AKAP9: variants seen among roughly 807,000 people sequenced by gnomAD.
The protein encoded by AKAP9 is A-kinase anchor protein 9.
AKAP9 carries 311 observed loss-of-function variants against 488.5 expected under a neutral mutation model. That is an observed-to-expected ratio of 0.64 (90% CI 0.58 to 0.70). AKAP9 has a LOEUF of 0.70. AKAP9 is among the 30% of genes least tolerant of loss of function. AKAP9 has a pLI of 0.00. For synonymous variants in AKAP9, 1,462 were observed against 1,483.5 expected (o/e 0.99, Z 0.33); for missense variants, 4,215 against 4,374.5 (o/e 0.96, Z 1.03).
chr7:91,955,024 A>G (rs1478720300), intron 1 of AKAP9, among the ~76,000 whole-genome samples: 1 of 152,222 alleles, frequency 6.6e-6, no homozygotes, highest in East Asian at 1.9e-4. Flanking sequence ...CTGTAGATTG[A>G]TATGATTATT....
chr7:92,002,532 T>G lies in AKAP9; in HGVS notation c.2615T>G (p.Leu872Arg), dbSNP rs1306567728. Residue 872 changes from leucine (L) to arginine (R), a missense_variant, in exon 8 of 50, where the codon CTC (leucine) becomes CGC (arginine). Leu to Arg is a moderately radical substitution (Grantham distance 102, BLOSUM62 -2). Around this residue, in one of 5 missense-constraint regions of AKAP9, gnomAD observed 2,361 missense variants for 2,430.0 expected, o/e 0.97. Transcript: ENST00000356239. The stretch of plus-strand genomic sequence containing the variant: ...TTACAAGAGGAGTATGCTTGCCTTC[T>G]CAAAGTAAAAGATGATTTAGAAGAC... ...QELQEEYACL[L>R]KVKDDLEDSK... 1.2e-6 allele frequency: 2 copies of G among 1,610,474 alleles called. No individual in the cohort carries two copies. The highest frequency in any genetic ancestry group is 3.4e-5 in the Admixed American group (2 of 59,682).
intron 24 of AKAP9, among the ~76,000 whole-genome samples, chr7:92,064,052 G>C (rs1288426096): frequency 6.6e-6 from 1 of 152,130 alleles, no homozygotes; most frequent in Admixed American, 6.6e-5. Flanking sequence ...AAAGTGCTGG[G>C]ATTACAGGCA....
At chr7:91,974,829 G>A (rs1053047705) in intron 2 of AKAP9, among the ~76,000 whole-genome samples, 4 of 151,882 alleles carry the variant, frequency 2.6e-5, no homozygotes, top group African/African-American at 7.2e-5. Flanking sequence ...ATACTCTCAA[G>A]CATTTTATTT....
chr7:92,102,872 A>T, intron 46 of AKAP9, 46 bp downstream of exon 46: 8 of 1,487,878 alleles, frequency 5.4e-6, no homozygotes, highest in Non-Finnish European at 6.5e-6. Context: ...ACTCTCTAAA[A>T]GGATTAGTTA....
chr7:92,085,808 C>A, intron 36 of AKAP9, 122 bp downstream of exon 36: 1 of 794,778 alleles, frequency 1.3e-6, no homozygotes. Context: ...TATATATTTT[C>A]ACACTTGAAA....
At chr7:92,087,999 C>T (rs981540369) in intron 37 of AKAP9, among the ~76,000 whole-genome samples, 1 of 151,740 alleles carries the variant, frequency 6.6e-6, no homozygotes, top group Non-Finnish European at 1.5e-5. Flanking sequence ...GTTAAATCAC[C>T]CTTTATTAAA....
At chr7:91,993,515 A>T (rs1296157197) in intron 5 of AKAP9, among the ~76,000 whole-genome samples, 1 of 151,596 alleles carries the variant, frequency 6.6e-6, no homozygotes, top group African/African-American at 2.4e-5. Flanking sequence ...AGTTCTAGTT[A>T]TTCAGGAGGC....
chr7:92,035,332 A>G, intron 16 of AKAP9, among the ~76,000 whole-genome samples: 1 of 152,108 alleles, frequency 6.6e-6, no homozygotes, highest in African/African-American at 2.4e-5. Flanking sequence ...ACCTCATATA[A>G]TTTCAGTTCT....
intron 14 of AKAP9, among the ~76,000 whole-genome samples, chr7:92,027,060 C>CTT (rs1803320838): frequency 7.2e-6 from 1 of 139,546 alleles, no homozygotes. Flanking sequence ...CCCGGCCGCC[C>CTT]CGTCTGGGAG....
intron 43 of AKAP9, 96 bp downstream of exon 43, chr7:92,098,310 T>A: frequency 1.5e-6 from 1 of 685,232 alleles, no homozygotes; most frequent in Non-Finnish European, 2.5e-6. Flanking sequence ...TTATACTCTT[T>A]ATAGAGTTTT....
Position 91,985,043 on chromosome 7 carries a change from A to G in AKAP9, c.351+4710A>G, listed in dbSNP as rs140979219. ...AGACAATGGGTTTTCTAAATATACA[A>G]TCATGTCATCTGCAAACAGGGACGA... On this transcript the variant is annotated intron_variant, in intron 3 of 49. Coordinates refer to ENST00000356239, the MANE Select transcript of AKAP9 (RefSeq NM_005751.5). 6.7e-3 allele frequency among the ~76,000 whole-genome samples: 1,019 copies of G among 152,332 alleles called. 8 individuals carry two copies. The highest frequency in any genetic ancestry group is 0.01 in the Non-Finnish European group (685 of 68,028).
Position 92,083,226 on chromosome 7 carries a change from C to T in AKAP9, c.8217C>T (p.His2739=), listed in dbSNP as rs771168278. 6.2e-7 allele frequency: 1 copy of T among 1,614,004 alleles called. No individual in the cohort carries two copies. Among genetic ancestry groups the T allele is most frequent in the Admixed American group, 1.7e-5 (1 of 60,008 alleles). ...AAGACTTAAGCCAAGTTAGGGATCA[C>T]CTCGCAGAGGCAAAAGAGAAATTGT... ...LQKDLSQVRD[H]LAEAKEKLSI... The change falls in exon 33 of 50, where the codon CAC becomes CAT. Residue 2739 remains histidine (H), a synonymous_variant. Coordinates refer to ENST00000356239, the MANE Select transcript of AKAP9 (RefSeq NM_005751.5).
rs1436026414 is a variant in AKAP9 at position 92,082,404 on chromosome 7, A to G, written c.8020-118A>G. On this transcript the variant is annotated intron_variant, in intron 31 of 49. Coordinates refer to ENST00000356239, the MANE Select transcript of AKAP9 (RefSeq NM_005751.5). ...TTGGAAAGAGCATTGATTTGTTCCA[A>G]CTCCTTATATCTGTAGGCAGTCATT... 4 of 1,086,080 alleles carry G rather than the reference A, an allele frequency of 3.7e-6. No homozygotes were observed. In the African/African-American group the frequency reaches 4.8e-5, roughly 13 times the overall value. The allele number at this position is 1,086,080 out of a possible 1,614,324, so 67.3% of individuals were successfully genotyped here. A position where few individuals can be genotyped will look rare whatever the true frequency, so the allele number is the denominator to read the frequency against.
At chr7:92,047,420 T>G (rs1233786096) in intron 21 of AKAP9, among the ~76,000 whole-genome samples, 1 of 152,186 alleles carries the variant, frequency 6.6e-6, no homozygotes, top group South Asian at 2.1e-4. Flanking sequence ...GGTTTCACTA[T>G]GTTAGCCAGG....
rs377255415 is a variant in AKAP9 at position 92,096,682 on chromosome 7, G to C, written c.9730-7G>C. 1.9e-6 allele frequency: 3 copies of C among 1,613,638 alleles called. No homozygotes were observed. Among genetic ancestry groups the C allele is most frequent in the Non-Finnish European group, 8.5e-7 (1 of 1,179,966 alleles). ...ACAAGTTCTTAAATTTGATTTTCTC[G>C]TACCAGGATCTGAAGTTTTCACTTG... On this transcript the variant is annotated splice_polypyrimidine_tract_variant and splice_region_variant and intron_variant, in intron 40 of 49. Coordinates refer to ENST00000356239, the MANE Select transcript of AKAP9 (RefSeq NM_005751.5).
At chr7:91,955,122 A>G (rs1792798104) in intron 1 of AKAP9, among the ~76,000 whole-genome samples, 1 of 152,130 alleles carries the variant, frequency 6.6e-6, no homozygotes, top group Non-Finnish European at 1.5e-5. Flanking sequence ...CTTGTTCCCT[A>G]ATTCTAAGAG....
At chr7:92,080,187 C>A (rs770061347) in intron 31 of AKAP9, 35 bp downstream of exon 31, 3 of 1,442,278 alleles carry the variant, frequency 2.1e-6, no homozygotes, top group South Asian at 2.5e-5. Flanking sequence ...CATTTAAATA[C>A]CCCAAGAAAC....
chr7:91,951,281 A>G (rs1792209423), intron 1 of AKAP9, among the ~76,000 whole-genome samples: 2 of 150,878 alleles, frequency 1.3e-5, no homozygotes, highest in Non-Finnish European at 3.0e-5. Flanking sequence ...TTCTTTCTCT[A>G]TCTCACTCTC....
chr7:92,034,213 C>G (rs1052846695), intron 16 of AKAP9, among the ~76,000 whole-genome samples: 2 of 152,084 alleles, frequency 1.3e-5, no homozygotes, highest in African/African-American at 4.8e-5. Context: ...AAAAATTACT[C>G]TAACAGGTGT....
Sources: gnomAD v4.1 joint callset for allele counts (sites outside exome capture counted in the v4.1 genomes callset) on GRCh38, gnomAD v4.1.1 for gene constraint, gnomAD v4.1.1 regional missense constraint, MANE v1.5 for transcripts, NCBI Gene and HGNC (gene_info 2026-07-23, HGNC 2026-07-21) for gene names.